The following GNPNAT1 variants were observed in gnomAD, a reference collection of about 807,000 sequenced individuals.
The protein encoded by GNPNAT1 is glucosamine-phosphate N-acetyltransferase 1, also known as glucosamine 6-phosphate N-acetyltransferase.
A neutral mutation model predicts 19.8 loss-of-function variants in GNPNAT1; 11 were observed. The ratio of observed to expected loss-of-function variants is 0.56; its 90% confidence interval spans 0.35 to 0.92. The LOEUF is 0.92. Ranked by LOEUF, GNPNAT1 falls within the 40% of genes least tolerant of loss-of-function variation. The pLI, the probability that GNPNAT1 is intolerant of heterozygous loss-of-function variation, is 0.01. For missense variants in GNPNAT1, 157 were observed against 211.0 expected, an observed-to-expected ratio of 0.74 and a Z score of 1.59; for synonymous variants, 71 against 72.3, an observed-to-expected ratio of 0.98 and a Z score of 0.09.
chr14:52,785,086 C>T (rs776144800), intron 1 of GNPNAT1, among the ~76,000 whole-genome samples: 9 of 151,832 alleles, frequency 5.9e-5, no homozygotes, highest in African/African-American at 1.7e-4. Flanking sequence ...ACACCACGCC[C>T]GGCTAATTTT....
At position 52,778,785 on chromosome 14, in the gene GNPNAT1, A is replaced by G. The variant is rs188793997; in HGVS notation, c.408-327T>C. ...GTAATCCTAGCACTCTGGGAAGCCG[A>G]GGCAGGCGATCGCTAGAGCCCAGGG... On this transcript the variant is annotated intron_variant, in intron 5 of 5. Coordinates refer to ENST00000216410, the MANE Select transcript of GNPNAT1 (RefSeq NM_198066.4). 9.2e-5 allele frequency among the ~76,000 whole-genome samples: 14 copies of G among 152,266 alleles called. No individual in the cohort carries two copies. The East Asian group carries it at 2.3e-3, about 25-fold the overall frequency.
intron 1 of GNPNAT1, among the ~76,000 whole-genome samples, chr14:52,790,236 A>C (rs963549615): frequency 5.3e-5 from 8 of 152,230 alleles, no homozygotes; most frequent in Non-Finnish European, 1.0e-4. Context: ...TGAAGATTTT[A>C]AAAGTCGATC....
rs1466744514 is a variant in GNPNAT1, at chr14:52,775,565, C to T, written c.*2746G>A. ...GACACAGTAAAAATGATAAGTACCA[C>T]CTCATTATACCTTTTCACAAGCAAA... On this transcript the variant is annotated 3_prime_UTR_variant, in exon 6 of 6. Transcript: ENST00000216410. 1 of 151,964 alleles carries T rather than the reference C, an allele frequency of 6.6e-6. No homozygotes were observed. The highest frequency in any genetic ancestry group is 1.5e-5 in the Non-Finnish European group (1 of 68,002). The allele number at this position is 151,964 out of a possible 1,614,324, so 9.4% of individuals were successfully genotyped here.
chr14:52,784,558 G>A lies in GNPNAT1; in HGVS notation c.93C>T (p.Ser31=). The change falls in exon 2 of 6, where the codon TCC becomes TCT. Residue 31 remains serine (S), a synonymous_variant. Transcript: ENST00000216410. ...CCAAGCCTTCTCCAGGATGTGTTGGGGAAATGGCTGGAGAAAATGTAGCTG... is the reference window on the plus strand; with the variant it reads ...CCAAGCCTTCTCCAGGATGTGTTGGAGAAATGGCTGGAGAAAATGTAGCTG... ...QNTATFSPAI[S]PTHPGEGLVL... The A allele has an allele frequency of 1.2e-6, 2 of 1,609,698 alleles. No individual in the cohort carries two copies. Among genetic ancestry groups the A allele is most frequent in the Non-Finnish European group, 1.7e-6 (2 of 1,178,034 alleles).
intron 1 of GNPNAT1, among the ~76,000 whole-genome samples, chr14:52,785,043 A>G (rs1882980063): frequency 6.8e-6 from 1 of 147,588 alleles, no homozygotes; most frequent in Non-Finnish European, 1.5e-5. Context: ...CTCCTCTTTC[A>G]GCCTCCTGAG....
chr14:52,778,624 C>G (rs1882800269), intron 5 of GNPNAT1, among the ~76,000 whole-genome samples, 166 bp from the exon 6 acceptor site: 1 of 151,954 alleles, frequency 6.6e-6, no homozygotes, highest in Non-Finnish European at 1.5e-5. Context: ...TTTAAATCAC[C>G]AAAGCATTTT....
intron 3 of GNPNAT1, 41 bp from the exon 4 acceptor site, chr14:52,781,952 C>T (rs374402489): frequency 2.0e-6 from 3 of 1,531,154 alleles, no homozygotes; most frequent in Non-Finnish European, 2.6e-6. Flanking sequence ...AGTAGACATT[C>T]AATTTTATGG....
Position 52,778,474 on chromosome 14 carries a change from G to T in GNPNAT1, c.408-16C>A, listed in dbSNP as rs1004117453. The T allele has an allele frequency of 2.5e-6, 4 of 1,595,270 alleles. No homozygotes were observed. Among genetic ancestry groups the T allele is most frequent in the Non-Finnish European group, 3.4e-6 (4 of 1,171,862 alleles). The stretch of plus-strand genomic sequence containing the variant: ...TGATAATAACCTGAAATTTAAAAAG[G>T]GGGTAGGGTGAGGAGATAGCATTTA... On this transcript the variant is annotated splice_polypyrimidine_tract_variant and intron_variant, in intron 5 of 5. Transcript: ENST00000216410.
chr14:52,785,952 T>G (rs1883007427), intron 1 of GNPNAT1, among the ~76,000 whole-genome samples: 1 of 150,440 alleles, frequency 6.6e-6, no homozygotes, highest in African/African-American at 2.4e-5. Flanking sequence ...AGTTTCGCCA[T>G]GTCAGCCAGG....
intron 1 of GNPNAT1, chr14:52,787,929 G>C (rs1158030400): frequency 1.3e-5 from 2 of 151,874 alleles, no homozygotes; most frequent in African/African-American, 4.8e-5. Context: ...AGCATTCTTG[G>C]GTAGAAAAGA....
chr14:52,785,698 C>A (rs1342612219), intron 1 of GNPNAT1, among the ~76,000 whole-genome samples: 1 of 150,396 alleles, frequency 6.6e-6, no homozygotes, highest in Non-Finnish European at 1.5e-5. Flanking sequence ...GCACTCCAGC[C>A]TGGGCAATGT....
At chr14:52,785,023 T>TC (rs1882979459) in intron 1 of GNPNAT1, among the ~76,000 whole-genome samples, 1 of 151,748 alleles carries the variant, frequency 6.6e-6, no homozygotes, top group African/African-American at 2.4e-5. Context: ...CCTTCTGGGT[T>TC]CAAGTGATTC....
chr14:52,783,235 CAA>C (rs1267263728), intron 3 of GNPNAT1, among the ~76,000 whole-genome samples, 186 bp downstream of exon 3: 5 of 152,020 alleles, frequency 3.3e-5, no homozygotes, highest in Non-Finnish European at 7.4e-5. Context: ...TTTGCAAAAA[CAA>C]AGTTACTGGT....
chr14:52,790,349 G>A (rs1286508625), intron 1 of GNPNAT1, among the ~76,000 whole-genome samples: 1 of 152,204 alleles, frequency 6.6e-6, no homozygotes, highest in Non-Finnish European at 1.5e-5. Context: ...TGGGGGAGGG[G>A]CGGACTTCGG....
In GNPNAT1 at chr14:52,780,756, A is replaced by G. The variant is rs754413755; in HGVS notation, c.346-16T>C. 1.1e-5 allele frequency: 17 copies of G among 1,520,694 alleles called. No individual in the cohort carries two copies. Among genetic ancestry groups the G allele is most frequent in the Middle Eastern group, 1.7e-4 (1 of 5,880 alleles). The allele number at this position is 1,520,694 out of a possible 1,614,324, so 94.2% of individuals were successfully genotyped here. On this transcript the variant is annotated splice_polypyrimidine_tract_variant and intron_variant, in intron 4 of 5. Transcript: ENST00000216410. ...CTCTTCCTCTCTGAAAATATTTACA[A>G]TGTTTAAAGGAGTAAGCATTTACTT...
intron 3 of GNPNAT1, 81 bp from the exon 4 acceptor site, chr14:52,781,992 C>T: frequency 1.6e-6 from 2 of 1,232,296 alleles, no homozygotes; most frequent in Non-Finnish European, 2.2e-6. Context: ...GATTAGCTGA[C>T]TTAATTACTA....
chr14:52,783,277 A>G (rs1451030018), intron 3 of GNPNAT1, 146 bp downstream of exon 3: 7 of 566,788 alleles, frequency 1.2e-5, no homozygotes, highest in African/African-American at 5.8e-5. Flanking sequence ...ACTCAGCCAC[A>G]TTAAACATTT....
intron 4 of GNPNAT1, 59 bp from the exon 5 acceptor site, chr14:52,780,799 G>T: frequency 9.8e-7 from 1 of 1,017,332 alleles, no homozygotes; most frequent in Non-Finnish European, 1.5e-6. Context: ...TAGCTAAAAC[G>T]AGTTGGTAAG....
intron 1 of GNPNAT1, among the ~76,000 whole-genome samples, chr14:52,790,487 T>C (rs1342155994): frequency 6.6e-6 from 1 of 152,228 alleles, no homozygotes; most frequent in East Asian, 1.9e-4. Context: ...TTCAAAAGTA[T>C]TTTCTGATAG....
Sources: gnomAD v4.1 joint callset for allele counts (sites outside exome capture counted in the v4.1 genomes callset) on GRCh38, gnomAD v4.1.1 for gene constraint, MANE v1.5 for transcripts, NCBI Gene and HGNC (gene_info 2026-07-23, HGNC 2026-07-21) for gene names.